AHCYL2: variants seen among roughly 807,000 people sequenced by gnomAD.
AHCYL2 encodes adenosylhomocysteinase like 2.
Under a neutral mutation model 81.4 loss-of-function variants are expected in AHCYL2, and 28 were observed. That is an observed-to-expected ratio of 0.34 (90% CI 0.25 to 0.47). The LOEUF (loss-of-function observed/expected upper bound fraction) is 0.47, where lower values mean the gene tolerates loss of function less well. AHCYL2 is among the 20% of genes least tolerant of loss of function. The pLI is 1.00. For synonymous variants in AHCYL2, 272 were observed against 290.2 expected (o/e 0.94, Z 0.64); for missense variants, 551 against 785.1 (o/e 0.70, Z 3.56).
At chr7:129,326,888 A>G (rs893617510) in intron 1 of AHCYL2, among the ~76,000 whole-genome samples, 1 of 152,144 alleles carries the variant, frequency 6.6e-6, no homozygotes. Context: ...CAAGGCAACT[A>G]TGCTTTGGAC....
intron 1 of AHCYL2, among the ~76,000 whole-genome samples, chr7:129,333,684 A>G (rs1798499545): frequency 6.6e-6 from 1 of 152,164 alleles, no homozygotes; most frequent in South Asian, 2.1e-4. Context: ...CATCAGATAC[A>G]CCAATCCTCA....
intron 1 of AHCYL2, among the ~76,000 whole-genome samples, chr7:129,261,009 C>T (rs534148100): frequency 7.9e-5 from 12 of 152,242 alleles, no homozygotes; most frequent in Admixed American, 5.2e-4. Flanking sequence ...AGGCTGGTCT[C>T]GAACTCCTGA....
chr7:129,363,716 T>C (rs1794010392), intron 1 of AHCYL2, among the ~76,000 whole-genome samples: 2 of 152,056 alleles, frequency 1.3e-5, no homozygotes, highest in African/African-American at 2.4e-5. Context: ...TTTTGTACTT[T>C]TAGTAGAGAC....
intron 1 of AHCYL2, among the ~76,000 whole-genome samples, chr7:129,278,763 C>CTTTTTTT (rs36037913): frequency 2.7e-5 from 3 of 111,384 alleles, no homozygotes; most frequent in Non-Finnish European, 3.6e-5. Context: ...TATTGAAGCT[C>CTTTTTTT]TTTTTTTTTT....
chr7:129,340,485 G>A (rs1191646654), intron 1 of AHCYL2, among the ~76,000 whole-genome samples: 1 of 150,390 alleles, frequency 6.6e-6, no homozygotes, highest in African/African-American at 2.4e-5. Flanking sequence ...GGAGAATGGC[G>A]TGAACTCGGG....
Position 129,368,323 on chromosome 7 carries a change from G to A in AHCYL2, c.364-11315G>A. ...AGGGGTTGTCAGGCAGTTGACTAAT[G>A]CTCTTGATTTGAATCGGAGGCTGCT... On this transcript the variant is annotated intron_variant, in intron 1 of 16. Coordinates refer to ENST00000325006, the MANE Select transcript of AHCYL2 (RefSeq NM_015328.4). This position sits in a 1 kb window ranked among gnomAD's most constrained non-coding sequence, Gnocchi z 4.4. 6.9e-7 allele frequency: 1 copy of A among 1,448,452 alleles called. No homozygotes were observed. The highest frequency in any genetic ancestry group is 9.1e-7 in the Non-Finnish European group (1 of 1,100,460). The allele number at this position is 1,448,452 out of a possible 1,614,324, so 89.7% of individuals were successfully genotyped here. A position where few individuals can be genotyped will look rare whatever the true frequency, so the allele number is the denominator to read the frequency against.
chr7:129,281,700 G>A (rs779275636), intron 1 of AHCYL2, among the ~76,000 whole-genome samples: 1 of 151,740 alleles, frequency 6.6e-6, no homozygotes, highest in Non-Finnish European at 1.5e-5. Context: ...GTTTTGCCAT[G>A]TTGCCCGGGC....
chr7:129,406,312 C>T lies in AHCYL2; in HGVS notation c.1207-66C>T. The T allele has an allele frequency of 3.4e-6, 5 of 1,473,998 alleles. No homozygotes were observed. 91.3% of individuals were successfully genotyped at this position (1,473,998 alleles called of 1,614,324 possible). On this transcript the variant is annotated intron_variant, in intron 9 of 16. Transcript: ENST00000325006. This position sits in a 1 kb window ranked among gnomAD's most constrained non-coding sequence, Gnocchi z 4.3. ...GGTGGAAAGAGGGGGTGCACTTTAC[C>T]AGAAGCTTTGAGAAATGGTTTTCTC... is the stretch of plus-strand genomic sequence containing the variant.
intron 1 of AHCYL2, among the ~76,000 whole-genome samples, chr7:129,238,229 C>G (rs1584690675): frequency 6.6e-6 from 1 of 152,264 alleles, no homozygotes; most frequent in African/African-American, 2.4e-5. Flanking sequence ...TCAACTGAGT[C>G]TAGTCTTGGG....
intron 1 of AHCYL2, among the ~76,000 whole-genome samples, chr7:129,327,765 A>T (rs1798273861): frequency 6.6e-6 from 1 of 151,862 alleles, no homozygotes; most frequent in African/African-American, 2.4e-5. Context: ...TACCTGGCCA[A>T]GAAGAAAGAT....
intron 1 of AHCYL2, among the ~76,000 whole-genome samples, chr7:129,271,258 G>C (rs1345276790): frequency 6.6e-6 from 1 of 151,416 alleles, no homozygotes; most frequent in Non-Finnish European, 1.5e-5. Context: ...CTATTCGGGA[G>C]GCTAAGGCAG....
chr7:129,324,845 TTTGTAA>T (rs1435584244), intron 1 of AHCYL2, among the ~76,000 whole-genome samples: 1 of 152,228 alleles, frequency 6.6e-6, no homozygotes, highest in East Asian at 1.9e-4. Context: ...TGTTTCCTTT[TTTGTAA>T]TTGTTTTAGG....
chr7:129,376,123 T>G (rs1223065003), intron 1 of AHCYL2, among the ~76,000 whole-genome samples: 1 of 152,066 alleles, frequency 6.6e-6, no homozygotes, highest in Non-Finnish European at 1.5e-5. Context: ...CTCTCTCAAA[T>G]GGAAAAGGAG....
chr7:129,273,704 A>T (rs929877038), intron 1 of AHCYL2, among the ~76,000 whole-genome samples: 3 of 152,194 alleles, frequency 2.0e-5, no homozygotes, highest in Non-Finnish European at 4.4e-5. Flanking sequence ...TCTTAAGGGA[A>T]TACTTCTTAG....
intron 1 of AHCYL2, among the ~76,000 whole-genome samples, chr7:129,251,956 C>G (rs555561147): frequency 6.6e-6 from 1 of 152,156 alleles, no homozygotes; most frequent in South Asian, 2.1e-4. Flanking sequence ...TTAATCTCTT[C>G]TGTTTATCTC....
intron 1 of AHCYL2, among the ~76,000 whole-genome samples, chr7:129,285,692 C>T (rs1017040255): frequency 3.1e-5 from 4 of 128,682 alleles, no homozygotes; most frequent in Non-Finnish European, 6.3e-5. Context: ...CTTTCTCTCT[C>T]TCTCTTTTTT....
chr7:129,425,292 C>G lies in AHCYL2; in HGVS notation c.1708+151C>G, dbSNP rs1477425635. The G allele has an allele frequency of 4.5e-6, 3 of 673,052 alleles. No individual in the cohort carries two copies. The African/African-American group carries it at 5.4e-5, about 12-fold the overall frequency. The allele number at this position is 673,052 out of a possible 1,614,324, so 41.7% of individuals were successfully genotyped here. A position where few individuals can be genotyped will look rare whatever the true frequency, so the allele number is the denominator to read the frequency against. On this transcript the variant is annotated intron_variant, in intron 15 of 16. Coordinates refer to ENST00000325006, the MANE Select transcript of AHCYL2 (RefSeq NM_015328.4). ...GAATTAGGATTCCTAGGTGCCATTC[C>G]CATTTATTTATCCCATTTTCTACAT...
chr7:129,249,170 A>C (rs552037439), intron 1 of AHCYL2, among the ~76,000 whole-genome samples: 1 of 151,322 alleles, frequency 6.6e-6, no homozygotes, highest in South Asian at 2.1e-4. Context: ...GCTAATATTC[A>C]TATTTTTTGT....
rs750609644 is a variant in AHCYL2, at chr7:129,426,425, T to G, written c.1709-18T>G. ...AAGGCATGAATGCTTATACCAGGGC[T>G]TCTGTGGTCTGTTCCAGATGAGTAT... On this transcript the variant is annotated intron_variant, in intron 15 of 16. Coordinates refer to ENST00000325006, the MANE Select transcript of AHCYL2 (RefSeq NM_015328.4). The surrounding 1 kb of genome is among the most constrained non-coding windows in gnomAD (Gnocchi z 4.3). 2.5e-6 allele frequency: 4 copies of G among 1,614,114 alleles called. No individual in the cohort carries two copies. In the Admixed American group the frequency reaches 6.7e-5, roughly 27 times the overall value.
Sources: allele counts gnomAD v4.1 joint callset (sites outside exome capture counted in the v4.1 genomes callset), GRCh38; gene constraint gnomAD v4.1.1; non-coding constraint Gnocchi (gnomAD v3.1); transcripts MANE v1.5; gene names NCBI Gene and HGNC (gene_info 2026-07-23, HGNC 2026-07-21).